The following PDS5B variants were observed in gnomAD, a reference collection of about 807,000 sequenced individuals.
PDS5B encodes sister chromatid cohesion protein PDS5 homolog B.
Under a neutral mutation model 184.1 loss-of-function variants are expected in PDS5B, and 51 were observed. The ratio of observed to expected loss-of-function variants is 0.28; its 90% CI spans 0.22 to 0.35. The LOEUF (loss-of-function observed/expected upper bound fraction) is 0.35. Among genes scored for constraint, PDS5B ranks in the 10% least tolerant of loss-of-function variants. PDS5B has a pLI of 1.00. For missense variants in PDS5B, 1,180 were observed against 1,723.3 expected (o/e 0.68, Z 5.58); for synonymous variants, 566 against 569.2 (o/e 0.99, Z 0.08).
chr13:32,747,266 CTCT>C (rs1048382888), intron 24 of PDS5B, among the ~76,000 whole-genome samples: 3 of 152,138 alleles, frequency 2.0e-5, no homozygotes, highest in African/African-American at 4.8e-5. Context: ...CTTAGTTTTT[CTCT>C]TCTTTTCCAA....
chr13:32,613,934 C>T (rs562256211), intron 1 of PDS5B, among the ~76,000 whole-genome samples: 1 of 152,148 alleles, frequency 6.6e-6, no homozygotes, highest in South Asian at 2.1e-4. Flanking sequence ...AGTAGGCATG[C>T]ACATTCATTC....
chr13:32,757,423 CCTT>C (rs1315400255), intron 26 of PDS5B, among the ~76,000 whole-genome samples: 1 of 152,146 alleles, frequency 6.6e-6, no homozygotes, highest in Non-Finnish European at 1.5e-5. Context: ...TTTCTCTCCT[CCTT>C]CTCCCATTAC....
intron 17 of PDS5B, among the ~76,000 whole-genome samples, chr13:32,704,300 C>G (rs188413111): frequency 1.6e-4 from 25 of 152,234 alleles, no homozygotes; most frequent in African/African-American, 5.3e-4. Flanking sequence ...TTACAAGTAA[C>G]TGGGATTACA....
chr13:32,605,862 G>C (rs1174942322), intron 1 of PDS5B, among the ~76,000 whole-genome samples: 1 of 150,694 alleles, frequency 6.6e-6, no homozygotes, highest in East Asian at 1.9e-4. Context: ...TTGGTTTAAA[G>C]TCTGTTATCA....
At chr13:32,690,879 T>A (rs1385902070) in intron 13 of PDS5B, 1 of 152,144 alleles carries the variant, frequency 6.6e-6, no homozygotes, top group Non-Finnish European at 1.5e-5. Flanking sequence ...AGGGTACATA[T>A]ATATCATTTT....
intron 1 of PDS5B, among the ~76,000 whole-genome samples, chr13:32,610,616 AT>A (rs10552401): frequency 0.022 from 3,247 of 146,186 alleles, 80 homozygotes; most frequent in African/African-American, 0.058. Context: ...TTTGAACCAA[AT>A]TTTTTTTTTT....
chr13:32,722,092 C>T (rs1045203802), intron 19 of PDS5B, among the ~76,000 whole-genome samples: 5 of 152,216 alleles, frequency 3.3e-5, no homozygotes, highest in African/African-American at 1.2e-4. Flanking sequence ...AGCAAGACTC[C>T]GTCTGCAATC....
chr13:32,713,751 A>G (rs1341324697), intron 19 of PDS5B, among the ~76,000 whole-genome samples: 1 of 152,232 alleles, frequency 6.6e-6, no homozygotes, highest in East Asian at 1.9e-4. Context: ...ATTCAAGAAA[A>G]TAATAATAAA....
In PDS5B at chr13:32,762,533, G is replaced by C. The variant is rs1181082535; in HGVS notation, c.3518+1813G>C. Among the ~76,000 whole-genome samples the C allele has an allele frequency of 3.3e-5, 5 of 151,948 alleles. No homozygotes were observed. In the East Asian group the frequency reaches 9.6e-4, roughly 29 times the overall value. On this transcript the variant is annotated intron_variant, in intron 30 of 34. Transcript: ENST00000315596. The stretch of plus-strand genomic sequence containing the variant: ...ATCAGTTGGACATTTTCTATCAAAT[G>C]GTCTCATATTTAACATGACCAGAAA...
At chr13:32,733,497 A>G (rs1953196914) in intron 20 of PDS5B, among the ~76,000 whole-genome samples, 1 of 152,166 alleles carries the variant, frequency 6.6e-6, no homozygotes, top group Non-Finnish European at 1.5e-5. Flanking sequence ...TGTGCAATGG[A>G]AGTACTGAGG....
chr13:32,600,920 C>T (rs897848858), intron 1 of PDS5B, among the ~76,000 whole-genome samples: 4 of 152,178 alleles, frequency 2.6e-5, no homozygotes, highest in Non-Finnish European at 5.9e-5. Context: ...GTTCGGGGAT[C>T]AGCAAATAAT....
intron 1 of PDS5B, among the ~76,000 whole-genome samples, chr13:32,634,446 A>G (rs1039142114): frequency 9.2e-5 from 14 of 151,724 alleles, no homozygotes; most frequent in African/African-American, 3.4e-4. Flanking sequence ...AGACATTTGG[A>G]TTGTTTGTTG....
At chr13:32,721,109 G>A (rs1038930626) in intron 19 of PDS5B, among the ~76,000 whole-genome samples, 4 of 152,078 alleles carry the variant, frequency 2.6e-5, no homozygotes, top group Non-Finnish European at 4.4e-5. Flanking sequence ...TTTTCTATTC[G>A]ACAAAACCAC....
chr13:32,665,643 T>A (rs1209903174), intron 6 of PDS5B, among the ~76,000 whole-genome samples: 12 of 89,954 alleles, frequency 1.3e-4, no homozygotes, highest in East Asian at 2.8e-4. Context: ...AACCTCAAGA[T>A]AGGAATGAAT....
chr13:32,596,162 A>G (rs1442534478), intron 1 of PDS5B, among the ~76,000 whole-genome samples: 1 of 152,200 alleles, frequency 6.6e-6, no homozygotes, highest in Non-Finnish European at 1.5e-5. Context: ...ACCAATAACC[A>G]CAAGAAGATG....
intron 19 of PDS5B, among the ~76,000 whole-genome samples, chr13:32,727,459 TCTTTTTAATATTTCTTGATGTA>T (rs1334147903): frequency 1.3e-5 from 2 of 152,140 alleles, no homozygotes; most frequent in Non-Finnish European, 2.9e-5. Flanking sequence ...CTGGAAGAAC[TCTTTTTAATATTTCTTGATGTA>T]TAGTTCTCTT....
At chr13:32,613,872 C>G (rs760507147) in intron 1 of PDS5B, among the ~76,000 whole-genome samples, 12 of 152,090 alleles carry the variant, frequency 7.9e-5, no homozygotes, top group Non-Finnish European at 1.8e-4. Flanking sequence ...AGTTTTAGCT[C>G]TTATATTTAG....
chr13:32,712,199 A>G (rs1234815426), intron 19 of PDS5B, among the ~76,000 whole-genome samples: 1 of 152,260 alleles, frequency 6.6e-6, no homozygotes, highest in African/African-American at 2.4e-5. Context: ...TAGAACCACA[A>G]GAACAGGGTC....
At chr13:32,743,732 A>G (rs773180625) in intron 23 of PDS5B, among the ~76,000 whole-genome samples, 1 of 152,156 alleles carries the variant, frequency 6.6e-6, no homozygotes, top group Non-Finnish European at 1.5e-5. Flanking sequence ...CAAACAAAAC[A>G]TATAAAAAAA....
Sources: allele counts gnomAD v4.1 joint callset (sites outside exome capture counted in the v4.1 genomes callset), GRCh38; gene constraint gnomAD v4.1.1; transcripts MANE v1.5; gene names NCBI Gene and HGNC (gene_info 2026-07-23, HGNC 2026-07-21).